TNC: variants seen among roughly 807,000 people sequenced by gnomAD.
TNC encodes the protein tenascin.
A neutral mutation model predicts 202.4 loss-of-function variants in TNC; 109 were observed. The ratio of observed to expected loss-of-function variants is 0.54; its 90% CI spans 0.46 to 0.63. The LOEUF is 0.63. TNC is among the 30% of genes least tolerant of loss of function. The pLI, the probability that TNC is intolerant of heterozygous loss-of-function variation, is 0.00. For missense variants in TNC, 2,756 were observed against 2,833.3 expected (o/e 0.97, Z 0.62); for synonymous variants, 1,007 against 1,089.7 (o/e 0.92, Z 1.50).
intron 1 of TNC, chr9:115,114,863 G>A (rs913101621): frequency 1.3e-5 from 2 of 152,180 alleles, no homozygotes; most frequent in African/African-American, 2.4e-5. Flanking sequence ...TTTATAATTT[G>A]TAGTGTCTGA....
rs536185368 is a variant in TNC, at chr9:115,047,164, A to G, written c.4853-482T>C. On this transcript the variant is annotated intron_variant, in intron 16 of 27. Coordinates refer to ENST00000350763, the MANE Select transcript of TNC (RefSeq NM_002160.4). ...ATTACATTCTCCTTGAGCCTGCCCA[A>G]AATGGCTTTTAAAATGTTATGGTCT... Among the ~76,000 whole-genome samples, 4 of 152,142 alleles carry G rather than the reference A, an allele frequency of 2.6e-5. No homozygotes were observed. In the South Asian group the frequency reaches 8.3e-4, roughly 32 times the overall value.
At chr9:115,051,820 T>C (rs1831695367) in intron 15 of TNC, among the ~76,000 whole-genome samples, 1 of 151,930 alleles carries the variant, frequency 6.6e-6, no homozygotes, top group African/African-American at 2.4e-5. Flanking sequence ...CCAATAAAAC[T>C]GGGCACAAAA....
intron 1 of TNC, among the ~76,000 whole-genome samples, chr9:115,104,666 A>G (rs879537125): frequency 6.6e-6 from 1 of 152,214 alleles, no homozygotes; most frequent in Non-Finnish European, 1.5e-5. Flanking sequence ...TAAACGTTAC[A>G]CATATGTTAG....
intron 18 of TNC, 98 bp from the exon 19 acceptor site, chr9:115,041,182 TA>T: frequency 7.5e-7 from 1 of 1,340,622 alleles, no homozygotes; most frequent in Non-Finnish European, 1.0e-6. Flanking sequence ...GAAATGAAAC[TA>T]TATCTTCATC....
intron 26 of TNC, among the ~76,000 whole-genome samples, chr9:115,026,272 A>G (rs1319385936): frequency 6.6e-6 from 1 of 152,142 alleles, no homozygotes; most frequent in Non-Finnish European, 1.5e-5. Context: ...TAAGAAAGAC[A>G]CACTTTTTTT....
chr9:115,102,456 G>T, intron 1 of TNC, among the ~76,000 whole-genome samples: 1 of 152,182 alleles, frequency 6.6e-6, no homozygotes, highest in East Asian at 1.9e-4. Flanking sequence ...TGCCTTGAAG[G>T]CTTCTAGAAG....
At chr9:115,093,835 A>C (rs1511) in intron 1 of TNC, among the ~76,000 whole-genome samples, 86,496 of 152,022 alleles carry the variant, frequency 0.57, 24,926 homozygotes, top group Middle Eastern at 0.65. Context: ...AAGAGACGTA[A>C]ACTGGTACCA....
chr9:115,044,435 G>T (rs1375550810), intron 17 of TNC, among the ~76,000 whole-genome samples: 2 of 150,666 alleles, frequency 1.3e-5, no homozygotes, highest in Non-Finnish European at 1.5e-5. Flanking sequence ...ACGCGCATGG[G>T]CACCTCTCTT....
chr9:115,053,038 G>C (rs1432602497), intron 15 of TNC: 2 of 688,946 alleles, frequency 2.9e-6, no homozygotes, highest in African/African-American at 3.5e-5. Flanking sequence ...TATGGGCAGA[G>C]AGAAAGAGAG....
chr9:115,095,000 C>T (rs1032247656), intron 1 of TNC, among the ~76,000 whole-genome samples: 2 of 152,062 alleles, frequency 1.3e-5, no homozygotes, highest in African/African-American at 4.8e-5. Context: ...GAGAATGTAG[C>T]AGGTTCCAAA....
chr9:115,081,538 G>A (rs1834303748), intron 6 of TNC, among the ~76,000 whole-genome samples: 1 of 152,150 alleles, frequency 6.6e-6, no homozygotes, highest in Non-Finnish European at 1.5e-5. Context: ...CACCCCTTAA[G>A]CACACAGATA....
intron 1 of TNC, among the ~76,000 whole-genome samples, chr9:115,107,167 T>G (rs1223906905): frequency 6.6e-6 from 1 of 152,162 alleles, no homozygotes; most frequent in African/African-American, 2.4e-5. Flanking sequence ...GTATAAAAAT[T>G]TAGTAAGGTT....
chr9:115,073,682 T>C lies in TNC; in HGVS notation c.3135A>G (p.Pro1045=). 1 of 1,614,194 alleles carries C rather than the reference T, an allele frequency of 6.2e-7. No individual in the cohort carries two copies. The highest frequency in any genetic ancestry group is 8.5e-7 in the Non-Finnish European group (1 of 1,180,018). The change falls in exon 10 of 28, where the codon CCA becomes CCG. Residue 1045 remains proline (P), a synonymous_variant. Coordinates refer to ENST00000350763, the MANE Select transcript of TNC (RefSeq NM_002160.4). ...TTSYVLRGLE[P]GQEYNVLLTA... ...TCAGGAGGACATTGTACTCCTGTCC[T>C]GGTTCCAGGCCTCTCAGGACATAGG...
chr9:115,023,951 T>C, intron 27 of TNC, 22 bp downstream of exon 27: 1 of 1,608,994 alleles, frequency 6.2e-7, no homozygotes, highest in Non-Finnish European at 8.5e-7. Flanking sequence ...TGGCCTGCTC[T>C]GGGCCCTCAC....
chr9:115,056,246 G>T (rs1417357889), intron 15 of TNC, among the ~76,000 whole-genome samples: 1 of 151,772 alleles, frequency 6.6e-6, no homozygotes, highest in Non-Finnish European at 1.5e-5. Context: ...TCCTGTGTTT[G>T]TTCTGTAGAT....
At chr9:115,024,310 C>T (rs910421681) in intron 26 of TNC, among the ~76,000 whole-genome samples, 174 bp from the exon 27 acceptor site, 1 of 152,192 alleles carries the variant, frequency 6.6e-6, no homozygotes, top group Non-Finnish European at 1.5e-5. Flanking sequence ...GAGTGTCACC[C>T]CAGTACTTAT....
chr9:115,059,395 A>G (rs1832373256), intron 14 of TNC, among the ~76,000 whole-genome samples: 1 of 152,222 alleles, frequency 6.6e-6, no homozygotes, highest in African/African-American at 2.4e-5. Context: ...GCTTTTAGTT[A>G]TCTCCAAGCA....
chr9:115,077,272 G>C (rs923814067), intron 7 of TNC, among the ~76,000 whole-genome samples: 4 of 151,998 alleles, frequency 2.6e-5, no homozygotes, highest in African/African-American at 9.7e-5. Context: ...TAGCCAGAAT[G>C]GTCTCAATCT....
At position 115,052,706 on chromosome 9, in the gene TNC, T is replaced by C. The variant is rs1463424114; in HGVS notation, c.4580-4174A>G. On this transcript the variant is annotated intron_variant, in intron 15 of 27. Transcript: ENST00000350763. ...AAGATGACTTATCTCCTTTTCTCTC[T>C]GTGTTAGACAAGTGAGAACCTCTGA... 1.2e-5 allele frequency: 8 copies of C among 675,046 alleles called. No individual in the cohort carries two copies. In the South Asian group the frequency reaches 1.2e-4, roughly 10 times the overall value. 41.8% of individuals were successfully genotyped at this position (675,046 alleles called of 1,614,324 possible).
Sources: allele counts gnomAD v4.1 joint callset (sites outside exome capture counted in the v4.1 genomes callset), GRCh38; gene constraint gnomAD v4.1.1; transcripts MANE v1.5; gene names NCBI Gene and HGNC (gene_info 2026-07-23, HGNC 2026-07-21).